Variants in STXBP6 observed in about 807,000 individuals in gnomAD.
STXBP6 encodes syntaxin binding protein 6.
STXBP6 carries 21 observed loss-of-function variants against 26.9 expected under a neutral mutation model. The ratio of observed to expected loss-of-function variants is 0.78; its 90% CI spans 0.55 to 1.12. The LOEUF is 1.12. STXBP6 is among the 50% of genes most tolerant of loss of function. The pLI, the probability that STXBP6 is intolerant of heterozygous loss-of-function variation, is 0.00. For missense variants in STXBP6, 232 were observed against 257.9 expected, an observed-to-expected ratio of 0.90 and a Z score of 0.69; for synonymous variants, 97 against 92.6, an observed-to-expected ratio of 1.05 and a Z score of -0.27.
chr14:24,934,483 G>A (rs539024477), intron 2 of STXBP6, among the ~76,000 whole-genome samples: 14 of 152,098 alleles, frequency 9.2e-5, no homozygotes, highest in African/African-American at 2.4e-4. Flanking sequence ...ATGAAAGAAC[G>A]TAAGGACAAA....
intron 1 of STXBP6, among the ~76,000 whole-genome samples, chr14:24,989,490 T>C (rs2074412862): frequency 6.6e-6 from 1 of 152,226 alleles, no homozygotes; most frequent in South Asian, 2.1e-4. Context: ...TATCACATAG[T>C]CATCTTAGAA....
chr14:24,957,555 G>A (rs1186041814), intron 2 of STXBP6, among the ~76,000 whole-genome samples: 1 of 152,122 alleles, frequency 6.6e-6, no homozygotes, highest in African/African-American at 2.4e-5. Context: ...TATTCTTCAT[G>A]CCAGTAGAAG....
In STXBP6 at chr14:25,002,414, C is replaced by T. The variant is rs575249333; in HGVS notation, c.-32-27564G>A. Among the ~76,000 whole-genome samples, 229 of 140,980 alleles carry T rather than the reference C, an allele frequency of 1.6e-3. 1 individual carries two copies. The highest frequency in any genetic ancestry group is 2.4e-3 in the Non-Finnish European group (161 of 66,520). The allele number at this position is 140,980 out of a possible 152,430, so 92.5% of individuals were successfully genotyped here. ...TCGCTCTGTCGCCCAGGCTGGAGTG[C>T]AGTGGTGTGATCTTGGCTCTCTGCA... On this transcript the variant is annotated intron_variant, in intron 1 of 5. Coordinates refer to ENST00000323944, the MANE Select transcript of STXBP6 (RefSeq NM_001394410.1).
In STXBP6 at chr14:24,869,692, GGC is replaced by G. The variant is rs577236401; in HGVS notation, c.155-12537_155-12536del. On this transcript the variant is annotated intron_variant, in intron 2 of 5. Coordinates refer to ENST00000323944, the MANE Select transcript of STXBP6 (RefSeq NM_001394410.1). ...TGTCAAAACGCTCTTCTCAAAACTC[GGC>G]TGGTCATGATGTCCACACACTTCCA... Among the ~76,000 whole-genome samples, 496 of 152,232 alleles carry G rather than the reference GGC, an allele frequency of 3.3e-3. 3 individuals are homozygous for G. Among genetic ancestry groups the G allele is most frequent in the South Asian group, 0.02 (97 of 4,822 alleles).
chr14:24,889,077 A>G (rs1310156701), intron 2 of STXBP6, among the ~76,000 whole-genome samples: 1 of 152,030 alleles, frequency 6.6e-6, no homozygotes, highest in Non-Finnish European at 1.5e-5. Flanking sequence ...CTTCCCCATT[A>G]AACAGCACAG....
chr14:24,957,446 G>A (rs56189223), intron 2 of STXBP6, among the ~76,000 whole-genome samples: 126 of 152,292 alleles, frequency 8.3e-4, no homozygotes, highest in African/African-American at 2.8e-3. Flanking sequence ...TCTTCTGCCC[G>A]CTGATAGAAC....
At chr14:24,871,993 GC>G (rs1479243020) in intron 2 of STXBP6, among the ~76,000 whole-genome samples, 4 of 152,152 alleles carry the variant, frequency 2.6e-5, no homozygotes, top group African/African-American at 9.7e-5. Flanking sequence ...TTCTTAATTA[GC>G]CTTTGCTGGG....
At chr14:24,996,795 C>T (rs117373432) in intron 1 of STXBP6, among the ~76,000 whole-genome samples, 10,227 of 134,920 alleles carry the variant, frequency 0.076, 460 homozygotes, top group South Asian at 0.18. Flanking sequence ...ACAGAGGCTG[C>T]GGTGAGCCAA....
chr14:24,979,755 T>G (rs1221247154), intron 1 of STXBP6, among the ~76,000 whole-genome samples: 1 of 152,188 alleles, frequency 6.6e-6, no homozygotes, highest in African/African-American at 2.4e-5. Flanking sequence ...TCCTGTGGAT[T>G]TGATTTAATA....
intron 1 of STXBP6, among the ~76,000 whole-genome samples, chr14:25,021,451 C>A (rs74037463): frequency 6.6e-6 from 1 of 152,152 alleles, no homozygotes. Context: ...TATCAGTTTC[C>A]CGTTACAGGA....
intron 2 of STXBP6, among the ~76,000 whole-genome samples, chr14:24,882,600 T>G (rs1164113127): frequency 6.6e-6 from 1 of 152,018 alleles, no homozygotes; most frequent in African/African-American, 2.4e-5. Context: ...CTGTATTCAC[T>G]CAGTTCTCTT....
At chr14:24,920,168 A>T (rs1444566862) in intron 2 of STXBP6, among the ~76,000 whole-genome samples, 1 of 152,100 alleles carries the variant, frequency 6.6e-6, no homozygotes, top group Non-Finnish European at 1.5e-5. Flanking sequence ...TGCTCCTGGT[A>T]CACAGAAATC....
chr14:24,866,308 T>A (rs1421406714), intron 2 of STXBP6, among the ~76,000 whole-genome samples: 1 of 152,196 alleles, frequency 6.6e-6, no homozygotes. Context: ...CCAGTCTCCA[T>A]GATCATGTGA....
At chr14:25,031,371 G>A (rs2075451065) in intron 1 of STXBP6, among the ~76,000 whole-genome samples, 1 of 152,182 alleles carries the variant, frequency 6.6e-6, no homozygotes, top group Non-Finnish European at 1.5e-5. Context: ...GAATTGTACT[G>A]CCTCAGTTTT....
chr14:25,014,631 A>T (rs2075106322), intron 1 of STXBP6, among the ~76,000 whole-genome samples: 1 of 152,226 alleles, frequency 6.6e-6, no homozygotes. Context: ...TTGATAAACT[A>T]GGCTATCAGC....
intron 1 of STXBP6, among the ~76,000 whole-genome samples, chr14:25,035,674 A>G (rs1030380441): frequency 2.0e-5 from 3 of 152,232 alleles, no homozygotes; most frequent in African/African-American, 7.2e-5. Context: ...AAATGTCCTC[A>G]GAATTTTTTT....
chr14:24,909,887 G>A (rs1055199890), intron 2 of STXBP6, among the ~76,000 whole-genome samples: 10 of 151,586 alleles, frequency 6.6e-5, no homozygotes, highest in Non-Finnish European at 1.5e-4. Context: ...CGGAATCTAG[G>A]AGATATGCTA....
At chr14:24,982,625 T>C (rs532166817) in intron 1 of STXBP6, among the ~76,000 whole-genome samples, 1 of 152,340 alleles carries the variant, frequency 6.6e-6, no homozygotes, top group African/African-American at 2.4e-5. Flanking sequence ...CTGTACATAC[T>C]AACTCTCCCT....
intron 2 of STXBP6, among the ~76,000 whole-genome samples, chr14:24,922,839 A>T (rs2139825183): frequency 6.6e-6 from 1 of 152,274 alleles, no homozygotes; most frequent in South Asian, 2.1e-4. Context: ...CTTAAATGAA[A>T]GAACAGCATG....
Sources: allele counts gnomAD v4.1 joint callset (sites outside exome capture counted in the v4.1 genomes callset), GRCh38; gene constraint gnomAD v4.1.1; transcripts MANE v1.5; gene names NCBI Gene and HGNC (gene_info 2026-07-23, HGNC 2026-07-21).